Variants in RAPGEF2 observed in about 807,000 individuals in gnomAD.
The protein encoded by RAPGEF2 is PDZ domain containing guanine nucleotide exchange factor (GEF) 1.
Under a neutral mutation model 186.7 loss-of-function variants are expected in RAPGEF2, and 54 were observed. The observed-to-expected ratio is 0.29, with a 90% CI of 0.23 to 0.36. The LOEUF (loss-of-function observed/expected upper bound fraction) is 0.36. Among genes scored for constraint, RAPGEF2 ranks in the 10% least tolerant of loss-of-function variants. RAPGEF2 has a pLI of 1.00. For synonymous variants in RAPGEF2, 712 were observed against 705.9 expected (o/e 1.01, Z -0.14); for missense variants, 1,532 against 2,045.0 (o/e 0.75, Z 4.84).
intron 3 of RAPGEF2, 33 bp from the exon 4 acceptor site, chr4:159,210,467 T>C: frequency 7.0e-7 from 1 of 1,423,518 alleles, no homozygotes; most frequent in Non-Finnish European, 9.6e-7. Flanking sequence ...TTGTTATAGG[T>C]AACAATCTGA....
At position 159,277,679 on chromosome 4, in the gene RAPGEF2, A is replaced by C. The variant is rs150498013; in HGVS notation, c.544-26663A>C. 7.9e-5 allele frequency among the ~76,000 whole-genome samples: 12 copies of C among 152,344 alleles called. No individual in the cohort carries two copies. In the East Asian group the frequency reaches 2.3e-3, roughly 29 times the overall value. ...ATTTGTGTTTCTCTGATGGCCAGTG[A>C]TGGTGAGCATTTTTTCACATATCTG... On this transcript the variant is annotated intron_variant, in intron 7 of 29. Transcript: ENST00000691494.
At chr4:159,273,629 T>TCTTTCTTTCTTC (rs1758402222) in intron 7 of RAPGEF2, among the ~76,000 whole-genome samples, 8 of 10,644 alleles carry the variant, frequency 7.5e-4, no homozygotes, top group African/African-American at 2.5e-3. Flanking sequence ...GTAATCAGTT[T>TCTTTCTTTCTTC]CTTTCTTTCT....
At chr4:159,339,391 C>G (rs1369611661) in intron 19 of RAPGEF2, 37 bp downstream of exon 19, 1 of 1,586,558 alleles carries the variant, frequency 6.3e-7, no homozygotes, top group East Asian at 2.3e-5. Context: ...TCTTTGTCCC[C>G]TCTTCGAACC....
intron 25 of RAPGEF2, 48 bp downstream of exon 25, chr4:159,347,046 G>C: frequency 6.6e-7 from 1 of 1,520,494 alleles, no homozygotes; most frequent in East Asian, 2.3e-5. Context: ...CACTGTCATG[G>C]TTTGCAAATT....
chr4:159,121,290 G>GT (rs1481313124), intron 1 of RAPGEF2, among the ~76,000 whole-genome samples: 1 of 152,058 alleles, frequency 6.6e-6, no homozygotes, highest in Non-Finnish European at 1.5e-5. Flanking sequence ...GAACAACATG[G>GT]TTTTGAACTC....
chr4:159,130,684 C>T (rs968958206), intron 1 of RAPGEF2, among the ~76,000 whole-genome samples: 1 of 152,134 alleles, frequency 6.6e-6, no homozygotes, highest in African/African-American at 2.4e-5. Flanking sequence ...ATAAATTACT[C>T]TAAATAAAAG....
intron 1 of RAPGEF2, among the ~76,000 whole-genome samples, chr4:159,157,780 AT>A (rs1744285535): frequency 6.6e-6 from 1 of 152,182 alleles, no homozygotes; most frequent in Non-Finnish European, 1.5e-5. Flanking sequence ...CACTCCCAAC[AT>A]ATCTCTGCTG....
intron 1 of RAPGEF2, among the ~76,000 whole-genome samples, chr4:159,182,080 C>T (rs1242783332): frequency 6.6e-6 from 1 of 152,096 alleles, no homozygotes. Flanking sequence ...ATAGGGGAAA[C>T]AATTTTGTTT....
chr4:159,332,178 C>CT (rs1766768988), intron 16 of RAPGEF2, 144 bp downstream of exon 16: 2 of 663,618 alleles, frequency 3.0e-6, no homozygotes, highest in Non-Finnish European at 5.0e-6. Context: ...TATTTTTAAT[C>CT]TGTCTTTATT....
At chr4:159,211,904 G>T (rs1261761025) in intron 4 of RAPGEF2, among the ~76,000 whole-genome samples, 1 of 151,946 alleles carries the variant, frequency 6.6e-6, no homozygotes, top group Non-Finnish European at 1.5e-5. Flanking sequence ...TGGTGGTGGT[G>T]GTAGTAGTAG....
At chr4:159,205,337 A>G (rs1180090664) in intron 3 of RAPGEF2, among the ~76,000 whole-genome samples, 1 of 152,224 alleles carries the variant, frequency 6.6e-6, no homozygotes, top group Non-Finnish European at 1.5e-5. Flanking sequence ...TAGATAGAAT[A>G]GAATCTCAGT....
intron 1 of RAPGEF2, among the ~76,000 whole-genome samples, chr4:159,182,294 A>C (rs1360469741): frequency 1.3e-5 from 2 of 152,170 alleles, no homozygotes; most frequent in African/African-American, 4.8e-5. Context: ...TAAAATTATA[A>C]ATCATGTCTT....
At chr4:159,205,933 C>CTTT (rs753271034) in intron 3 of RAPGEF2, among the ~76,000 whole-genome samples, 2 of 145,772 alleles carry the variant, frequency 1.4e-5, no homozygotes, top group African/African-American at 2.5e-5. Flanking sequence ...TGGGCAGGAT[C>CTTT]TTTTTTTTTT....
chr4:159,115,397 A>G (rs1458014668), intron 1 of RAPGEF2, among the ~76,000 whole-genome samples: 1 of 152,248 alleles, frequency 6.6e-6, no homozygotes, highest in Non-Finnish European at 1.5e-5. Context: ...GAGGGCACAA[A>G]TGAAAAAGAA....
intron 1 of RAPGEF2, among the ~76,000 whole-genome samples, chr4:159,151,848 T>C (rs745518918): frequency 4.6e-5 from 7 of 152,072 alleles, no homozygotes; most frequent in Non-Finnish European, 7.4e-5. Context: ...TTGGGCGACA[T>C]TGATGGAATG....
intron 1 of RAPGEF2, among the ~76,000 whole-genome samples, chr4:159,172,429 T>C (rs1746005739): frequency 6.6e-6 from 1 of 152,186 alleles, no homozygotes; most frequent in Admixed American, 6.5e-5. Flanking sequence ...TCTGCAGTAA[T>C]TGACTTCATA....
At chr4:159,267,448 A>G (rs1240195371) in intron 7 of RAPGEF2, 1 of 755,204 alleles carries the variant, frequency 1.3e-6, no homozygotes, top group Admixed American at 2.5e-5. Flanking sequence ...AGGGACAGAC[A>G]TCATTAAATT....
chr4:159,238,720 T>C (rs1327669070), intron 4 of RAPGEF2, 89 bp from the exon 5 acceptor site: 4 of 842,306 alleles, frequency 4.7e-6, no homozygotes, highest in African/African-American at 1.7e-5. Flanking sequence ...TTAATTTTTA[T>C]TTATCAGGAA....
intron 11 of RAPGEF2, chr4:159,327,480 C>T (rs893715281): frequency 3.9e-5 from 6 of 152,074 alleles, no homozygotes; most frequent in African/African-American, 9.7e-5. Flanking sequence ...TGGTGAAATC[C>T]CGTCTGTACT....
Sources: gnomAD v4.1 joint callset for allele counts (sites outside exome capture counted in the v4.1 genomes callset) on GRCh38, gnomAD v4.1.1 for gene constraint, MANE v1.5 for transcripts, NCBI Gene and HGNC (gene_info 2026-07-23, HGNC 2026-07-21) for gene names.